The following PALM2AKAP2 variants were observed in gnomAD, a reference collection of about 807,000 sequenced individuals.
PALM2AKAP2 encodes the protein PALM2-AKAP2 fusion protein.
PALM2AKAP2 carries 37 observed loss-of-function variants against 71.5 expected under a neutral mutation model. That is an observed-to-expected ratio of 0.52 (90% CI 0.40 to 0.68). The LOEUF is 0.68. PALM2AKAP2 is among the 30% of genes least tolerant of loss of function. The pLI is 0.00. For synonymous variants in PALM2AKAP2, 468 were observed against 478.8 expected (o/e 0.98, Z 0.29); for missense variants, 1,224 against 1,191.8 (o/e 1.03, Z -0.40).
intron 1 of PALM2AKAP2, among the ~76,000 whole-genome samples, chr9:109,861,424 G>T (rs545931758): frequency 2.0e-5 from 3 of 152,148 alleles, no homozygotes; most frequent in Non-Finnish European, 4.4e-5. Context: ...AATAGTTTAC[G>T]TGTTATGTTA....
chr9:109,686,258 G>A (rs1827804384), intron 1 of PALM2AKAP2, among the ~76,000 whole-genome samples: 1 of 152,116 alleles, frequency 6.6e-6, no homozygotes, highest in East Asian at 1.9e-4. Flanking sequence ...TCTAGAATGG[G>A]TAATCCTTTC....
chr9:110,117,665 C>T (rs572308159), intron 1 of PALM2AKAP2, among the ~76,000 whole-genome samples: 1 of 152,254 alleles, frequency 6.6e-6, no homozygotes, highest in East Asian at 1.9e-4. Context: ...GAGCATACAG[C>T]CTGTGAGAGA....
chr9:109,899,266 C>T (rs1413857317), intron 3 of PALM2AKAP2, among the ~76,000 whole-genome samples: 2 of 152,210 alleles, frequency 1.3e-5, no homozygotes, highest in Non-Finnish European at 2.9e-5. Context: ...CACCCAGTTG[C>T]CCAAGTCTGA....
chr9:109,704,954 G>A (rs143259127), intron 1 of PALM2AKAP2, among the ~76,000 whole-genome samples: 1 of 152,144 alleles, frequency 6.6e-6, no homozygotes, highest in Non-Finnish European at 1.5e-5. Context: ...GTAGGTGTGG[G>A]CATCAGATGG....
intron 2 of PALM2AKAP2, among the ~76,000 whole-genome samples, chr9:110,155,418 A>T (rs1836423830): frequency 6.6e-6 from 1 of 152,174 alleles, no homozygotes; most frequent in South Asian, 2.1e-4. Flanking sequence ...TGTGTCAATA[A>T]ACCCACCCCA....
rs191956806 is a variant in PALM2AKAP2, at chr9:110,142,111, T to C, written c.2569+3572T>C. On this transcript the variant is annotated intron_variant, in intron 2 of 3. Transcript: ENST00000374525. The stretch of plus-strand genomic sequence containing the variant: ...TTTTGAGGCAGAGTCTTGCTCTGTC[T>C]CCCAGGCTGGAGTGCAATGGGGCAA... Among the ~76,000 whole-genome samples, 852 of 147,076 alleles carry C rather than the reference T, an allele frequency of 5.8e-3. 4 individuals are homozygous for C. The highest frequency in any genetic ancestry group is 9.7e-3 in the Non-Finnish European group (649 of 66,626).
rs1233292301 is a variant in PALM2AKAP2, at chr9:109,728,029, T to C, written c.6-52459T>C. ...TCAAATACACACGAGAGTGTCAACCTGTCTCTCTTGAGTCTCCTCCACTAC... is the reference window on the plus strand; with the variant it reads ...TCAAATACACACGAGAGTGTCAACCCGTCTCTCTTGAGTCTCCTCCACTAC... On this transcript the variant is annotated intron_variant, in intron 1 of 6. Coordinates refer to the PALM2AKAP2 transcript ENST00000374531. Among the ~76,000 whole-genome samples, 9 of 152,244 alleles carry C rather than the reference T, an allele frequency of 5.9e-5. No individual in the cohort carries two copies. In the South Asian group the frequency reaches 1.9e-3, roughly 32 times the overall value.
In PALM2AKAP2 at chr9:109,923,711, G is replaced by T. The variant is rs779733846; in HGVS notation, c.258-24G>T. 3.8e-6 allele frequency: 6 copies of T among 1,571,528 alleles called. No individual in the cohort carries two copies. The Admixed American group carries it at 9.7e-5, about 25-fold the overall frequency. On this transcript the variant is annotated intron_variant, in intron 3 of 9. Coordinates refer to the PALM2AKAP2 transcript ENST00000302798. ...GGATGGCAGGACAATAAAGTAACTT[G>T]TCCTTTGTTTGTGTGTTTTCCAGGC... is the stretch of plus-strand genomic sequence containing the variant.
intron 2 of PALM2AKAP2, among the ~76,000 whole-genome samples, chr9:110,140,387 C>T (rs752539005): frequency 6.6e-6 from 1 of 152,134 alleles, no homozygotes; most frequent in Non-Finnish European, 1.5e-5. Context: ...TGAAATCGGT[C>T]GTCTCTCTGA....
rs527257853 is a variant in PALM2AKAP2, at chr9:109,949,290, A to G, written c.496+17262A>G. Among the ~76,000 whole-genome samples the G allele has an allele frequency of 3.9e-5, 6 of 152,294 alleles. No individual in the cohort carries two copies. In the South Asian group the frequency reaches 6.2e-4, roughly 16 times the overall value. On this transcript the variant is annotated intron_variant, in intron 6 of 9. Transcript: ENST00000302798. ...AGAGAAGGAAACTTGCAGACCCCCA[A>G]CTGGATCTGGGAGCATATTTTTAAG... is the stretch of plus-strand genomic sequence containing the variant.
chr9:109,919,721 ATGTGTGTATACATATG>A (rs1830781537), intron 3 of PALM2AKAP2, among the ~76,000 whole-genome samples: 1 of 148,808 alleles, frequency 6.7e-6, no homozygotes. Flanking sequence ...ATATATATAT[ATGTGTGTATACATATG>A]TGTGTGTGTG....
intron 1 of PALM2AKAP2, among the ~76,000 whole-genome samples, chr9:109,746,077 G>A (rs541072165): frequency 1.3e-5 from 2 of 152,154 alleles, no homozygotes; most frequent in Non-Finnish European, 2.9e-5. Context: ...TTCACAGCCC[G>A]GGAGGAACAC....
intron 1 of PALM2AKAP2, among the ~76,000 whole-genome samples, chr9:109,645,167 T>A (rs1180805608): frequency 6.6e-6 from 1 of 152,200 alleles, no homozygotes; most frequent in Non-Finnish European, 1.5e-5. Flanking sequence ...AACTCACAGT[T>A]CCATGTGGCT....
intron 6 of PALM2AKAP2, among the ~76,000 whole-genome samples, chr9:109,940,406 C>T (rs774544098): frequency 3.3e-5 from 5 of 152,106 alleles, no homozygotes; most frequent in South Asian, 4.2e-4. Flanking sequence ...TTGACCTTGG[C>T]GTTAATCAAT....
At chr9:109,912,433 T>TTCATA (rs1478660477) in intron 3 of PALM2AKAP2, among the ~76,000 whole-genome samples, 1 of 152,198 alleles carries the variant, frequency 6.6e-6, no homozygotes, top group Non-Finnish European at 1.5e-5. Context: ...TTAACATGTT[T>TTCATA]TCATATTAAA....
chr9:110,137,243 T>G (rs778427486), exon 2 of PALM2AKAP2: 1 of 1,614,216 alleles, frequency 6.2e-7, no homozygotes, highest in Admixed American at 1.7e-5. Context: ...GATGGAGAAT[T>G]CCAGGCAAGC....
At chr9:110,077,330 A>T (rs1834344298) in intron 1 of PALM2AKAP2, among the ~76,000 whole-genome samples, 1 of 152,222 alleles carries the variant, frequency 6.6e-6, no homozygotes, top group Admixed American at 6.5e-5. Context: ...GCAAGTACAC[A>T]TTCAGTGATA....
At chr9:109,779,111 CTAAAGAGGCCATATTAGT>C (rs1829392684), upstream of PALM2AKAP2, among the ~76,000 whole-genome samples, 1 of 152,134 alleles carries the variant, frequency 6.6e-6, no homozygotes, top group South Asian at 2.1e-4. Flanking sequence ...TCCTATGGCT[CTAAAGAGGCCATATTAGT>C]TATTTCAGTG....
chr9:109,792,510 A>G (rs1415676053), intron 1 of PALM2AKAP2, among the ~76,000 whole-genome samples: 1 of 152,180 alleles, frequency 6.6e-6, no homozygotes, highest in Non-Finnish European at 1.5e-5. Context: ...CTCAGGCAAC[A>G]GAACAGTTCC....
Sources: gnomAD v4.1 joint callset for allele counts (sites outside exome capture counted in the v4.1 genomes callset) on GRCh38, gnomAD v4.1.1 for gene constraint, MANE v1.5 for transcripts, NCBI Gene and HGNC (gene_info 2026-07-23, HGNC 2026-07-21) for gene names.